Variants in DST observed in about 807,000 individuals in gnomAD.
DST encodes the protein bullous pemphigoid antigen.
DST carries 253 observed loss-of-function variants against 875.2 expected under a neutral mutation model. That is an observed-to-expected ratio of 0.29 (90% CI 0.26 to 0.32). The LOEUF (loss-of-function observed/expected upper bound fraction) is 0.32. DST is among the 10% of genes least tolerant of loss of function. The probability of loss-of-function intolerance (pLI) is 1.00; values close to 1 mark genes in which losing one functional copy is unlikely to be tolerated. For missense variants in DST, 8,287 were observed against 9,111.6 expected (o/e 0.91, Z 3.68); for synonymous variants, 3,124 against 3,197.1 (o/e 0.98, Z 0.77).
chr6:56,526,442 G>T lies in DST; in HGVS notation c.18048C>A (p.Asp6016Glu). 6.2e-7 allele frequency: 1 copy of T among 1,613,796 alleles called. No individual in the cohort carries two copies. Among genetic ancestry groups the T allele is most frequent in the Non-Finnish European group, 8.5e-7 (1 of 1,179,808 alleles). Residue 6016 changes from aspartate (D) to glutamate (E), a missense_variant, in exon 69 of 104, where the codon GAC (aspartate) becomes GAA (glutamate). By Grantham distance (45) the Asp-to-Glu change is conservative. Coordinates refer to ENST00000680361, the MANE Select transcript of DST (RefSeq NM_001374736.1). ...CGCTCACTAATCGGTAGCGCTCATT[G>T]TCCTCAGCTACCATTTTCTCAAGTC... is the stretch of plus-strand genomic sequence containing the variant. ...REGLEKMVAEDNERYRLVSDT... is the reference protein window; with the variant it reads ...REGLEKMVAEENERYRLVSDT...
chr6:56,646,092 A>T lies in DST; in HGVS notation c.1645T>A (p.Leu549Ile). 2 of 1,544,064 alleles carry T rather than the reference A, an allele frequency of 1.3e-6. No individual in the cohort carries two copies. Among genetic ancestry groups the T allele is most frequent in the Non-Finnish European group, 1.8e-6 (2 of 1,140,362 alleles). The change falls in exon 14 of 104, where the codon TTA becomes ATA. Residue 549 changes from leucine (L) to isoleucine (I), a missense_variant. By Grantham distance (5) the Leu-to-Ile change is conservative (BLOSUM62 2). Transcript: ENST00000680361. Reference protein sequence around the residue: ...KSKIKRLYKLLEIWIEFGRIK... With the variant: ...KSKIKRLYKLIEIWIEFGRIK... ...CAAAGCAAATTTGAGCTTACCTCTA[A>T]TAATTTATATAGACGTTTAATTTTT...
At chr6:56,784,047 T>C (rs1264060257) in intron 4 of DST, among the ~76,000 whole-genome samples, 1 of 152,224 alleles carries the variant, frequency 6.6e-6, no homozygotes, top group African/African-American at 2.4e-5. Flanking sequence ...ATGTTGAATA[T>C]TGGCCCCCAC....
chr6:56,916,825 G>C (rs55964674), intron 2 of DST, among the ~76,000 whole-genome samples: 2,892 of 88,932 alleles, frequency 0.033, 70 homozygotes, highest in African/African-American at 0.091. Context: ...CACACACACA[G>C]AGAGACAGAG....
chr6:56,590,238 T>C (rs1477568431), intron 49 of DST, among the ~76,000 whole-genome samples: 1 of 152,136 alleles, frequency 6.6e-6, no homozygotes, highest in African/African-American at 2.4e-5. Context: ...ACTAAATAGG[T>C]TTTTCCGTTT....
At chr6:56,635,176 AC>A (rs2098813181) in intron 24 of DST, among the ~76,000 whole-genome samples, 1 of 152,158 alleles carries the variant, frequency 6.6e-6, no homozygotes, top group Non-Finnish European at 1.5e-5. Flanking sequence ...AACATACTAT[AC>A]AAATTTTACT....
At chr6:56,730,832 A>G (rs1416120666) in intron 5 of DST, among the ~76,000 whole-genome samples, 1 of 152,232 alleles carries the variant, frequency 6.6e-6, no homozygotes, top group African/African-American at 2.4e-5. Context: ...AACATTCTTA[A>G]TAGAACAATC....
chr6:56,528,005 G>A (rs1407682951), intron 67 of DST, among the ~76,000 whole-genome samples: 2 of 152,184 alleles, frequency 1.3e-5, no homozygotes, highest in Admixed American at 6.5e-5. Flanking sequence ...GTATCTATCT[G>A]TATGAGACTT....
intron 4 of DST, among the ~76,000 whole-genome samples, chr6:56,789,882 A>G (rs1229110509): frequency 6.6e-6 from 1 of 152,230 alleles, no homozygotes; most frequent in Admixed American, 6.5e-5. Flanking sequence ...CCTATTGGCC[A>G]CTGTAAATAA....
At chr6:56,881,331 G>C (rs543287221) in intron 3 of DST, among the ~76,000 whole-genome samples, 80 of 152,032 alleles carry the variant, frequency 5.3e-4, no homozygotes, top group African/African-American at 1.8e-3. Flanking sequence ...AAATTAGCCG[G>C]GCTTGGTGAG....
chr6:56,729,939 T>C (rs953919926), intron 5 of DST, among the ~76,000 whole-genome samples: 8 of 152,156 alleles, frequency 5.3e-5, no homozygotes, highest in Non-Finnish European at 8.8e-5. Context: ...GTGTCTCCCA[T>C]GCAGTAACCA....
intron 36 of DST, chr6:56,617,021 T>G (rs142292854): frequency 6.2e-7 from 1 of 1,612,690 alleles, no homozygotes; most frequent in Non-Finnish European, 8.5e-7. Flanking sequence ...TGAAATCTTT[T>G]CTTTTGTAGA....
intron 4 of DST, among the ~76,000 whole-genome samples, chr6:56,774,113 CAA>C (rs59394529): frequency 2.6e-4 from 20 of 76,138 alleles, no homozygotes; most frequent in East Asian, 5.1e-4. Context: ...GATTCTGTCT[CAA>C]AAAAAAAAAA....
At chr6:56,554,711 C>T (rs753123671) in intron 60 of DST, among the ~76,000 whole-genome samples, 4 of 152,104 alleles carry the variant, frequency 2.6e-5, no homozygotes, top group Non-Finnish European at 5.9e-5. Flanking sequence ...ATCAGTAAAT[C>T]CAATCAATTA....
At chr6:56,852,005 G>A in intron 3 of DST, 2 of 1,438,680 alleles carry the variant, frequency 1.4e-6, no homozygotes, top group Non-Finnish European at 1.8e-6. Flanking sequence ...TTACTAGCCT[G>A]CTGCTTAATT....
chr6:56,908,864 G>T (rs1217589788), intron 2 of DST, among the ~76,000 whole-genome samples: 2 of 152,186 alleles, frequency 1.3e-5, no homozygotes, highest in Admixed American at 1.3e-4. Context: ...CCATGGCAAG[G>T]TCAGGTAGTT....
At chr6:56,732,359 T>C (rs1307485595) in intron 5 of DST, among the ~76,000 whole-genome samples, 1 of 152,198 alleles carries the variant, frequency 6.6e-6, no homozygotes, top group African/African-American at 2.4e-5. Context: ...TTTTGGTACA[T>C]CATGGGTTGT....
Position 56,464,683 on chromosome 6 carries a change from A to G in DST, c.22759+2T>C. 2.5e-6 allele frequency: 4 copies of G among 1,592,870 alleles called. No individual in the cohort carries two copies. Among genetic ancestry groups the G allele is most frequent in the Non-Finnish European group, 3.4e-6 (4 of 1,168,560 alleles). On this transcript the variant is annotated splice_donor_variant, in intron 100 of 103. Coordinates refer to ENST00000680361, the MANE Select transcript of DST (RefSeq NM_001374736.1). LOFTEE classifies it high-confidence loss of function. ...GGAGAGGCAAAGAGAGAGGTTGCCAACCTATAGTAGGCTGAGTAGTAGTAA... is the reference window on the plus strand; with the variant it reads ...GGAGAGGCAAAGAGAGAGGTTGCCAGCCTATAGTAGGCTGAGTAGTAGTAA...
intron 7 of DST, among the ~76,000 whole-genome samples, chr6:56,702,259 G>A (rs2099311801): frequency 6.6e-6 from 1 of 151,988 alleles, no homozygotes; most frequent in Non-Finnish European, 1.5e-5. Context: ...TTAATATTTG[G>A]TAATAAAACA....
At chr6:56,815,677 G>A (rs1047730822) in intron 4 of DST, among the ~76,000 whole-genome samples, 21 of 152,100 alleles carry the variant, frequency 1.4e-4, no homozygotes, top group Non-Finnish European at 4.4e-5. Flanking sequence ...CATTTCAGAG[G>A]ACACCAGGAG....
Sources: gnomAD v4.1 joint callset for allele counts (sites outside exome capture counted in the v4.1 genomes callset) on GRCh38, gnomAD v4.1.1 for gene constraint, MANE v1.5 for transcripts, NCBI Gene and HGNC (gene_info 2026-07-23, HGNC 2026-07-21) for gene names.